ANKRD6: variants seen among roughly 807,000 people sequenced by gnomAD.
The protein encoded by ANKRD6 is ankyrin repeat domain 6, also known as ankyrin repeat domain-containing protein 6.
A neutral mutation model predicts 82.3 loss-of-function variants in ANKRD6; 56 were observed. The ratio of observed to expected loss-of-function variants is 0.68; its 90% confidence interval spans 0.55 to 0.85. ANKRD6 has a LOEUF of 0.85. Ranked by LOEUF, ANKRD6 falls within the 40% of genes least tolerant of loss-of-function variation. The pLI, the probability that ANKRD6 is intolerant of heterozygous loss-of-function variation, is 0.00. For missense variants in ANKRD6, 852 were observed against 907.6 expected, an observed-to-expected ratio of 0.94 and a Z score of 0.79; for synonymous variants, 347 against 352.1, an observed-to-expected ratio of 0.99 and a Z score of 0.16.
chr6:89,505,511 T>G (rs1156397270), intron 1 of ANKRD6, among the ~76,000 whole-genome samples: 1 of 152,216 alleles, frequency 6.6e-6, no homozygotes, highest in Non-Finnish European at 1.5e-5. Context: ...GGACATTAAC[T>G]GGACCTGTAG....
In ANKRD6 at chr6:89,621,775, T is replaced by A. The variant is rs1361602130; in HGVS notation, c.793-147T>A. 11 of 743,528 alleles carry A rather than the reference T, an allele frequency of 1.5e-5. No individual in the cohort carries two copies. The East Asian group carries it at 1.9e-4, about 13-fold the overall frequency. 46.1% of individuals were successfully genotyped at this position (743,528 alleles called of 1,614,324 possible). Reference sequence around the variant, plus strand: ...CAAGACCTAGGAGGATGGTAGGTGGTCCAGAGGTGCTTGCTTGATGTGAAC... The same window carrying A: ...CAAGACCTAGGAGGATGGTAGGTGGACCAGAGGTGCTTGCTTGATGTGAAC... On this transcript the variant is annotated intron_variant, in intron 9 of 15. Transcript: ENST00000339746.
intron 1 of ANKRD6, among the ~76,000 whole-genome samples, chr6:89,464,476 G>A (rs1339123667): frequency 6.6e-6 from 1 of 152,136 alleles, no homozygotes; most frequent in African/African-American, 2.4e-5. Context: ...AACTGCAAGC[G>A]CTTATATCTG....
intron 1 of ANKRD6, among the ~76,000 whole-genome samples, chr6:89,560,300 T>C (rs974583902): frequency 1.3e-5 from 2 of 152,238 alleles, no homozygotes; most frequent in Non-Finnish European, 2.9e-5. Flanking sequence ...GGCTGTCTTC[T>C]TGGCTTGCAG....
intron 1 of ANKRD6, among the ~76,000 whole-genome samples, chr6:89,445,264 CTTT>C (rs1227274602): frequency 1.4e-4 from 9 of 64,088 alleles, no homozygotes; most frequent in African/African-American, 4.4e-4. Flanking sequence ...AGAGATCTTT[CTTT>C]TTTTTTTTTT....
At chr6:89,504,319 G>A (rs1253766379) in intron 1 of ANKRD6, among the ~76,000 whole-genome samples, 1 of 152,134 alleles carries the variant, frequency 6.6e-6, no homozygotes, top group Non-Finnish European at 1.5e-5. Flanking sequence ...CGTAGGGAAC[G>A]TGGGTTTGTA....
chr6:89,588,903 GA>G (rs1794313512), intron 2 of ANKRD6, among the ~76,000 whole-genome samples: 1 of 144,596 alleles, frequency 6.9e-6, no homozygotes, highest in South Asian at 2.2e-4. Context: ...TGAGGCAGGA[GA>G]ATCGCTTGAA....
chr6:89,516,628 C>T (rs1781259069), intron 1 of ANKRD6, among the ~76,000 whole-genome samples: 1 of 152,132 alleles, frequency 6.6e-6, no homozygotes, highest in African/African-American at 2.4e-5. Context: ...AGGCACGTGC[C>T]ACCACTCCCA....
At chr6:89,497,365 G>A (rs1488053869) in intron 1 of ANKRD6, among the ~76,000 whole-genome samples, 1 of 152,138 alleles carries the variant, frequency 6.6e-6, no homozygotes, top group East Asian at 1.9e-4. Flanking sequence ...GTCCTGGTAA[G>A]TTCCTACCTC....
At chr6:89,437,670 A>G (rs1247236884) in intron 1 of ANKRD6, among the ~76,000 whole-genome samples, 2 of 152,234 alleles carry the variant, frequency 1.3e-5, no homozygotes, top group Admixed American at 1.3e-4. Context: ...AGCATACAAT[A>G]CGTCCTACCT....
chr6:89,626,551 C>T (rs550314254), intron 13 of ANKRD6, among the ~76,000 whole-genome samples: 1 of 152,324 alleles, frequency 6.6e-6, no homozygotes, highest in Admixed American at 6.5e-5. Flanking sequence ...AAGAGAAAAA[C>T]AGAAGGTGCT....
At chr6:89,531,085 G>A (rs370782557) in intron 1 of ANKRD6, among the ~76,000 whole-genome samples, 4 of 152,190 alleles carry the variant, frequency 2.6e-5, no homozygotes, top group Non-Finnish European at 5.9e-5. Flanking sequence ...AATCATTGTG[G>A]CTGCACACCT....
chr6:89,496,455 G>C (rs1778634560), intron 1 of ANKRD6, among the ~76,000 whole-genome samples: 2 of 152,162 alleles, frequency 1.3e-5, no homozygotes, highest in African/African-American at 4.8e-5. Context: ...ACCAGGCCCA[G>C]GAAGTCTGTC....
At chr6:89,457,791 T>C (rs976245444) in intron 1 of ANKRD6, among the ~76,000 whole-genome samples, 1 of 152,154 alleles carries the variant, frequency 6.6e-6, no homozygotes, top group African/African-American at 2.4e-5. Flanking sequence ...TTTTTCTCAG[T>C]TTTTTGGTCT....
chr6:89,574,483 C>CT (rs1394887929), intron 2 of ANKRD6, among the ~76,000 whole-genome samples: 1 of 152,110 alleles, frequency 6.6e-6, no homozygotes, highest in Non-Finnish European at 1.5e-5. Flanking sequence ...GTTATAAAAT[C>CT]TAAGTGGACA....
intron 1 of ANKRD6, among the ~76,000 whole-genome samples, chr6:89,552,020 T>C (rs1413541464): frequency 6.6e-6 from 1 of 152,254 alleles, no homozygotes; most frequent in Non-Finnish European, 1.5e-5. Context: ...TTGACAATTT[T>C]GTATGTTTGT....
intron 1 of ANKRD6, among the ~76,000 whole-genome samples, chr6:89,490,162 G>A (rs908739983): frequency 9.2e-5 from 14 of 152,286 alleles, no homozygotes; most frequent in East Asian, 1.9e-4. Context: ...AATTGCATGC[G>A]CATTTGCTTT....
At chr6:89,516,643 ATATTTG>A (rs1178859270) in intron 1 of ANKRD6, among the ~76,000 whole-genome samples, 1 of 152,002 alleles carries the variant, frequency 6.6e-6, no homozygotes, top group East Asian at 1.9e-4. Context: ...CTCCCAGCTA[ATATTTG>A]TATTTTTAGT....
At chr6:89,538,799 TA>T (rs542503163) in intron 1 of ANKRD6, among the ~76,000 whole-genome samples, 226 of 149,274 alleles carry the variant, frequency 1.5e-3, no homozygotes, top group African/African-American at 4.6e-3. Flanking sequence ...ACTTTTTCTT[TA>T]AAAAAAAAAT....
In ANKRD6 at chr6:89,632,593, AG is replaced by A. The variant is rs891212822; in HGVS notation, c.*1590del. On this transcript the variant is annotated 3_prime_UTR_variant, in exon 16 of 16. Coordinates refer to ENST00000339746, the MANE Select transcript of ANKRD6 (RefSeq NM_001242809.2). ...CCACCAGTCCTGGCTAATTTTTTGT[AG>A]ATATAAGGTCTCATGATATTGCCCA... The A allele has an allele frequency of 7.2e-5, 11 of 152,190 alleles. No homozygotes were observed. The highest frequency in any genetic ancestry group is 2.6e-4 in the African/African-American group (11 of 41,512). The allele number at this position is 152,190 out of a possible 1,614,324, so 9.4% of individuals were successfully genotyped here.
Sources: gnomAD v4.1 joint callset for allele counts (sites outside exome capture counted in the v4.1 genomes callset) on GRCh38, gnomAD v4.1.1 for gene constraint, MANE v1.5 for transcripts, NCBI Gene and HGNC (gene_info 2026-07-23, HGNC 2026-07-21) for gene names.